Variants in LHPP observed in about 807,000 individuals in gnomAD.
LHPP encodes hLHPP.
Under a neutral mutation model 30.3 loss-of-function variants are expected in LHPP, and 24 were observed. The ratio of observed to expected loss-of-function variants is 0.79; its 90% CI spans 0.57 to 1.11. LHPP has a LOEUF of 1.11. LHPP is among the 50% of genes most tolerant of loss of function. The pLI, the probability that LHPP is intolerant of heterozygous loss-of-function variation, is 0.00. For synonymous variants in LHPP, 150 were observed against 157.1 expected (o/e 0.95, Z 0.34); for missense variants, 356 against 367.2 (o/e 0.97, Z 0.25).
intron 6 of LHPP, among the ~76,000 whole-genome samples, chr10:124,610,078 C>T (rs558272688): frequency 9.0e-4 from 137 of 152,312 alleles, no homozygotes; most frequent in African/African-American, 3.2e-3. Context: ...TGGCCCGTAC[C>T]ATAGAAGGCC....
chr10:124,561,585 G>A (rs1948395837), intron 6 of LHPP, among the ~76,000 whole-genome samples: 1 of 151,868 alleles, frequency 6.6e-6, no homozygotes, highest in Admixed American at 6.6e-5. Context: ...AGGGATTCCT[G>A]CACCTCCCAA....
rs143700914 is a variant in LHPP, at chr10:124,484,228, G to A, written c.215G>A (p.Gly72Glu). 1 of 1,614,092 alleles carries A rather than the reference G, an allele frequency of 6.2e-7. No homozygotes were observed. The highest frequency in any genetic ancestry group is 8.5e-7 in the Non-Finnish European group (1 of 1,180,004). The change falls in exon 2 of 7, where the codon GGA (glycine) becomes GAA (glutamate). Residue 72 changes from glycine (G) to glutamate (E), a missense_variant. Transcript: ENST00000368842. ...AELVGQLQRLGFDISEQEVTA... is the reference protein window; with the variant it reads ...AELVGQLQRLEFDISEQEVTA... ...CTGGTGGGGCAGCTTCAGAGGCTGG[G>A]ATTTGACATCTCTGAGCAGGAGGTG...
intron 6 of LHPP, among the ~76,000 whole-genome samples, chr10:124,595,701 G>A (rs1452996072): frequency 6.6e-6 from 1 of 151,254 alleles, no homozygotes. Flanking sequence ...TCCTTACTGT[G>A]GTTTCTGAGC....
In LHPP at chr10:124,523,267, C is replaced by A. The variant is rs1006747820; in HGVS notation, c.716+5996C>A. ...CGTGATTCCCGACATCCTGCAAGGT[C>A]CCTTCTAGCTGTGGCCTGGGTGCTG... On this transcript the variant is annotated intron_variant, in intron 6 of 6. Coordinates refer to ENST00000368842, the MANE Select transcript of LHPP (RefSeq NM_022126.4). The surrounding 1 kb of genome is among the most constrained non-coding windows in gnomAD (Gnocchi z 4.2). 1.3e-5 allele frequency among the ~76,000 whole-genome samples: 2 copies of A among 152,246 alleles called. No homozygotes were observed. The highest frequency in any genetic ancestry group is 4.8e-5 in the African/African-American group (2 of 41,468).
At chr10:124,609,129 C>T (rs988606741) in intron 6 of LHPP, among the ~76,000 whole-genome samples, 2 of 152,238 alleles carry the variant, frequency 1.3e-5, no homozygotes, top group Non-Finnish European at 2.9e-5. Flanking sequence ...TGCCAGCTTC[C>T]ATTTGGTCTC....
chr10:124,479,557 CAG>C (rs1487071382), intron 1 of LHPP, among the ~76,000 whole-genome samples: 8 of 152,172 alleles, frequency 5.3e-5, no homozygotes, highest in Non-Finnish European at 8.8e-5. Context: ...AGGCTGATAT[CAG>C]GGGGTCGGCA....
intron 6 of LHPP, among the ~76,000 whole-genome samples, chr10:124,591,359 A>C: frequency 6.7e-6 from 1 of 149,906 alleles, no homozygotes; most frequent in African/African-American, 2.4e-5. Flanking sequence ...AGTCCATACC[A>C]CCTCCAACCC....
At chr10:124,475,061 C>T (rs1276456594) in intron 1 of LHPP, among the ~76,000 whole-genome samples, 5 of 54,954 alleles carry the variant, frequency 9.1e-5, no homozygotes, top group South Asian at 7.3e-4. Context: ...CTCGCTCTGT[C>T]GCCCAGGCTG....
At position 124,517,270 on chromosome 10, in the gene LHPP, A is replaced by G; in HGVS notation, c.715A>G (p.Arg239Gly). The change falls in exon 6 of 7, where the codon AGG becomes GGG. Residue 239 changes from arginine (R) to glycine (G), a missense_variant and splice_region_variant. By Grantham distance (125) the Arg-to-Gly change is moderately radical. Transcript: ENST00000368842. This position sits in a 1 kb window ranked among gnomAD's most constrained non-coding sequence, Gnocchi z 4.1. ...GCTGCAGGTGCGCACCGGGAAGTTC[A>G]GGTCAGTGCCAGCTGGAGTCATTTA... ...RALQVRTGKFRPSDEHHPEVK... is the reference protein window; with the variant it reads ...RALQVRTGKFGPSDEHHPEVK... 2 of 1,586,236 alleles carry G rather than the reference A, an allele frequency of 1.3e-6. No homozygotes were observed. Among genetic ancestry groups the G allele is most frequent in the East Asian group, 2.3e-5 (1 of 43,876 alleles).
intron 6 of LHPP, among the ~76,000 whole-genome samples, chr10:124,518,133 G>T (rs1954508162): frequency 6.6e-6 from 1 of 152,216 alleles, no homozygotes; most frequent in South Asian, 2.1e-4. Context: ...GGGAGCTGTG[G>T]CTGAGTGCGA....
At chr10:124,529,409 G>A (rs1954829118) in intron 6 of LHPP, among the ~76,000 whole-genome samples, 1 of 152,138 alleles carries the variant, frequency 6.6e-6, no homozygotes, top group Admixed American at 6.5e-5. Flanking sequence ...AGCCCACACA[G>A]CTCCCACCTG....
chr10:124,462,348 C>T (rs1952428818), intron 1 of LHPP, among the ~76,000 whole-genome samples: 1 of 152,204 alleles, frequency 6.6e-6, no homozygotes, highest in Non-Finnish European at 1.5e-5. Context: ...GATTCTAGCA[C>T]TTGCAGAGGC....
At chr10:124,498,871 C>A in intron 5 of LHPP, 1 of 227,926 alleles carries the variant, frequency 4.4e-6, no homozygotes, top group Non-Finnish European at 8.8e-6. Flanking sequence ...TATGCCACCA[C>A]GCCTGGCAAA....
intron 1 of LHPP, among the ~76,000 whole-genome samples, chr10:124,468,676 C>T (rs1952633860): frequency 6.6e-6 from 1 of 152,228 alleles, no homozygotes; most frequent in Non-Finnish European, 1.5e-5. Context: ...CCAGCACCCA[C>T]AAACCTGTTT....
intron 1 of LHPP, among the ~76,000 whole-genome samples, chr10:124,466,160 G>T (rs1471437303): frequency 6.9e-6 from 1 of 144,766 alleles, no homozygotes; most frequent in Non-Finnish European, 1.5e-5. Context: ...TTTAGGGTCT[G>T]TCTGTTTATA....
chr10:124,506,263 A>ACCCCCC (rs539116106), intron 5 of LHPP, among the ~76,000 whole-genome samples: 23 of 86,382 alleles, frequency 2.7e-4, no homozygotes, highest in Non-Finnish European at 3.0e-4. Flanking sequence ...AAAACAACAA[A>ACCCCCC]CCCCCCCCCC....
chr10:124,494,552 G>A (rs538030770), intron 3 of LHPP, among the ~76,000 whole-genome samples: 1 of 152,328 alleles, frequency 6.6e-6, no homozygotes, highest in African/African-American at 2.4e-5. Flanking sequence ...TGGCACAGGT[G>A]GGCAGGAGGG....
intron 6 of LHPP, among the ~76,000 whole-genome samples, chr10:124,556,368 T>C (rs1948300154): frequency 6.6e-6 from 1 of 152,254 alleles, no homozygotes; most frequent in African/African-American, 2.4e-5. Context: ...GGCCATCGTT[T>C]TAATGGCTGC....
chr10:124,554,762 A>G lies in LHPP; in HGVS notation c.716+37491A>G, dbSNP rs183817439. ...CAGGGCTCACTTTTGCCCCATCATCATTTCTGTACACTTTTTCCATCTCTG... is the reference window on the plus strand; with the variant it reads ...CAGGGCTCACTTTTGCCCCATCATCGTTTCTGTACACTTTTTCCATCTCTG... On this transcript the variant is annotated intron_variant, in intron 6 of 6. Coordinates refer to ENST00000368842, the MANE Select transcript of LHPP (RefSeq NM_022126.4). Among the ~76,000 whole-genome samples, 21 of 152,226 alleles carry G rather than the reference A, an allele frequency of 1.4e-4. 1 individual carries two copies. The East Asian group carries it at 2.1e-3, about 15-fold the overall frequency.
Sources: gnomAD v4.1 joint callset for allele counts (sites outside exome capture counted in the v4.1 genomes callset) on GRCh38, gnomAD v4.1.1 for gene constraint, Gnocchi (gnomAD v3.1) non-coding constraint, MANE v1.5 for transcripts, NCBI Gene and HGNC (gene_info 2026-07-23, HGNC 2026-07-21) for gene names.